KDM2B: variants seen among roughly 807,000 people sequenced by gnomAD.
The protein encoded by KDM2B is lysine-specific demethylase 2B.
In KDM2B, 26 loss-of-function variants were observed where a neutral mutation model predicts 150.0. The observed-to-expected ratio is 0.17, with a 90% CI of 0.13 to 0.24. KDM2B has a LOEUF of 0.24. KDM2B is among the 10% of genes least tolerant of loss of function. The probability of loss-of-function intolerance (pLI) is 1.00; values close to 1 mark genes in which losing one functional copy is unlikely to be tolerated. For synonymous variants in KDM2B, 734 were observed against 729.5 expected, an observed-to-expected ratio of 1.01 and a Z score of -0.10; for missense variants, 1,265 against 1,816.9, an observed-to-expected ratio of 0.70 and a Z score of 5.52.
At position 121,440,908 on chromosome 12, in the gene KDM2B, G is replaced by A. The variant is rs1555288027; in HGVS notation, c.3518C>T (p.Pro1173Leu). 7 of 1,614,036 alleles carry A rather than the reference G, an allele frequency of 4.3e-6. No homozygotes were observed. Among genetic ancestry groups the A allele is most frequent in the South Asian group, 3.3e-5 (3 of 91,082 alleles). The change falls in exon 21 of 23, where the codon CCG becomes CTG. Residue 1173 changes from proline to leucine, a missense_variant. Coordinates refer to ENST00000377071, the MANE Select transcript of KDM2B (RefSeq NM_032590.5). ...CTGGACATCCAGGGTCCGGAGCAGC[G>A]GACAACTGGAGCTGCAAAGGGCCGA... ...AVSALCSSSC[P>L]LLRTLDVQWV...
intron 4 of KDM2B, among the ~76,000 whole-genome samples, chr12:121,574,187 CG>C (rs1165932075): frequency 3.9e-5 from 6 of 152,106 alleles, no homozygotes; most frequent in African/African-American, 1.2e-4. Flanking sequence ...AACAGCCCCT[CG>C]CCTCGAAAGC....
intron 4 of KDM2B, among the ~76,000 whole-genome samples, chr12:121,558,292 C>T (rs1225168650): frequency 6.6e-6 from 1 of 151,966 alleles, no homozygotes; most frequent in Non-Finnish European, 1.5e-5. Context: ...GAACTAAAGA[C>T]CTGACCTGGG....
intron 9 of KDM2B, among the ~76,000 whole-genome samples, chr12:121,517,272 G>A (rs1886295110): frequency 6.6e-6 from 1 of 152,078 alleles, no homozygotes; most frequent in Non-Finnish European, 1.5e-5. Context: ...GTTGGGGAAT[G>A]GAAATCCACC....
intron 22 of KDM2B, among the ~76,000 whole-genome samples, chr12:121,434,254 G>A (rs1024310988): frequency 3.3e-5 from 5 of 151,996 alleles, no homozygotes; most frequent in African/African-American, 7.2e-5. Context: ...TCAAGAGCTC[G>A]GCCAGGCGTG....
chr12:121,458,687 G>T (rs1555293300), intron 12 of KDM2B, among the ~76,000 whole-genome samples: 1 of 152,144 alleles, frequency 6.6e-6, no homozygotes, highest in African/African-American at 2.4e-5. Context: ...TGTAATCCCA[G>T]CTACTTGGGA....
At chr12:121,581,610 A>G (rs1891967702), upstream of KDM2B, among the ~76,000 whole-genome samples, 1 of 152,216 alleles carries the variant, frequency 6.6e-6, no homozygotes, top group African/African-American at 2.4e-5. Flanking sequence ...ATGACATGGC[A>G]AGAGGGAGAC....
chr12:121,538,494 G>A (rs188060202), intron 6 of KDM2B, among the ~76,000 whole-genome samples: 108 of 152,182 alleles, frequency 7.1e-4, no homozygotes, highest in Non-Finnish European at 1.2e-3. Flanking sequence ...TCACTGCTCG[G>A]CACTGAAGTT....
chr12:121,534,362 AAG>A, intron 7 of KDM2B, 133 bp downstream of exon 7: 1 of 646,896 alleles, frequency 1.5e-6, no homozygotes, highest in African/African-American at 1.8e-5. Context: ...AAAAAAAAAA[AAG>A]AGTAATCCTT....
In KDM2B at chr12:121,467,487, G is replaced by T; in HGVS notation, c.1735-14143C>A. On this transcript the variant is annotated intron_variant, in intron 12 of 22. Transcript: ENST00000377071. This position sits in a 1 kb window ranked among gnomAD's most constrained non-coding sequence, Gnocchi z 5.1. ...GGGCGGGCGGGCCAATGGCGCGGCC[G>T]CGGCGCTGGGGCCGCACACAAAGGG... 3.0e-6 allele frequency: 1 copy of T among 330,786 alleles called. No homozygotes were observed. The highest frequency in any genetic ancestry group is 4.3e-6 in the Non-Finnish European group (1 of 234,088). The allele number at this position is 330,786 out of a possible 1,614,324, so 20.5% of individuals were successfully genotyped here. A position where few individuals can be genotyped will look rare whatever the true frequency, so the allele number is the denominator to read the frequency against.
intron 9 of KDM2B, among the ~76,000 whole-genome samples, chr12:121,517,547 T>C (rs1886322672): frequency 6.6e-6 from 1 of 151,274 alleles, no homozygotes; most frequent in African/African-American, 2.4e-5. Flanking sequence ...AAGCACACTG[T>C]AACCTCTGCC....
the KDM2B span, among the ~76,000 whole-genome samples, chr12:121,419,716 A>C: frequency 6.6e-6 from 1 of 152,216 alleles, no homozygotes; most frequent in Non-Finnish European, 1.5e-5. Context: ...CTGATTGAGA[A>C]ATTTTAAAAA....
chr12:121,413,290 G>C, the KDM2B span, among the ~76,000 whole-genome samples: 110 of 152,164 alleles, frequency 7.2e-4, no homozygotes, highest in African/African-American at 2.6e-3. Context: ...GCCTCCCAAA[G>C]TGCTGGGATT....
At chr12:121,476,833 A>C (rs1250155604) in intron 12 of KDM2B, among the ~76,000 whole-genome samples, 2 of 152,170 alleles carry the variant, frequency 1.3e-5, no homozygotes, top group African/African-American at 4.8e-5. Context: ...AGACACTCAA[A>C]ATAGAAAAAG....
At chr12:121,535,379 G>C (rs973540061) in intron 6 of KDM2B, among the ~76,000 whole-genome samples, 3 of 152,176 alleles carry the variant, frequency 2.0e-5, no homozygotes, top group Admixed American at 6.5e-5. Context: ...TATAGAGACA[G>C]AAAGCAGATT....
intron 11 of KDM2B, among the ~76,000 whole-genome samples, chr12:121,506,341 C>T (rs1885064871): frequency 1.3e-5 from 2 of 152,096 alleles, no homozygotes; most frequent in Non-Finnish European, 2.9e-5. Context: ...GGGCTAATGC[C>T]TGTCAGACTA....
At chr12:121,541,065 T>A (rs1332840287) in intron 6 of KDM2B, among the ~76,000 whole-genome samples, 1 of 152,006 alleles carries the variant, frequency 6.6e-6, no homozygotes, top group Non-Finnish European at 1.5e-5. Context: ...AAACCCTGTC[T>A]CTACTAAAAA....
intron 22 of KDM2B, among the ~76,000 whole-genome samples, chr12:121,431,286 C>G (rs540950576): frequency 6.8e-6 from 1 of 146,784 alleles, no homozygotes; most frequent in African/African-American, 2.5e-5. Flanking sequence ...CGTGTGCCAC[C>G]ATGTGCAACT....
rs1297560116 is a variant in KDM2B, at chr12:121,537,815, A to C, written c.684-3225T>G. Among the ~76,000 whole-genome samples the C allele has an allele frequency of 1.1e-4, 16 of 151,406 alleles. No homozygotes were observed. The highest frequency in any genetic ancestry group is 7.9e-4 in the Admixed American group (12 of 15,252). On this transcript the variant is annotated intron_variant, in intron 6 of 22. Transcript: ENST00000377071. The surrounding 1 kb of genome is among the most constrained non-coding windows in gnomAD (Gnocchi z 8.7). ...GGGAGACACAAAGAGCGGCTCCGCG[A>C]CGCCGGCCCTGTAGCCCGCGGGCGG...
chr12:121,561,465 T>G (rs952612590), intron 4 of KDM2B, among the ~76,000 whole-genome samples: 8 of 152,026 alleles, frequency 5.3e-5, no homozygotes, highest in Non-Finnish European at 8.8e-5. Context: ...GAGGCCTGAG[T>G]TCGAGTGATA....
Sources: gnomAD v4.1 joint callset for allele counts (sites outside exome capture counted in the v4.1 genomes callset) on GRCh38, gnomAD v4.1.1 for gene constraint, Gnocchi (gnomAD v3.1) non-coding constraint, MANE v1.5 for transcripts, NCBI Gene and HGNC (gene_info 2026-07-23, HGNC 2026-07-21) for gene names.